CEP135: variants seen among roughly 807,000 people sequenced by gnomAD.
The protein encoded by CEP135 is centrosomal protein of 135 kDa.
A neutral mutation model predicts 157.3 loss-of-function variants in CEP135; 142 were observed. The ratio of observed to expected loss-of-function variants is 0.90; its 90% CI spans 0.79 to 1.04. CEP135 has a LOEUF of 1.04. CEP135 is among the 50% of genes least tolerant of loss of function. The pLI is 0.00. For missense variants in CEP135, 1,317 were observed against 1,309.2 expected, an observed-to-expected ratio of 1.01 and a Z score of -0.09; for synonymous variants, 396 against 439.8, an observed-to-expected ratio of 0.90 and a Z score of 1.25.
chr4:55,989,913 T>C (rs1178177431), intron 14 of CEP135, among the ~76,000 whole-genome samples: 4 of 152,184 alleles, frequency 2.6e-5, no homozygotes, highest in South Asian at 4.1e-4. Context: ...TTTCTAGATA[T>C]GTACCAGATA....
chr4:55,969,279 T>A (rs933475220), intron 9 of CEP135, 151 bp downstream of exon 9: 9 of 581,354 alleles, frequency 1.5e-5, no homozygotes, highest in Non-Finnish European at 2.8e-5. Flanking sequence ...ATACAAAAAT[T>A]AGCTGGGAGT....
rs757926762 is a variant in CEP135 at position 55,952,284 on chromosome 4, A to G, written c.113+41A>G. ...CAGTTTTCAACCTTTATGATCCCTA[A>G]CCACTTACCTCATTTCTGATTGAAC... On this transcript the variant is annotated intron_variant, in intron 2 of 25. Transcript: ENST00000257287. 2.7e-6 allele frequency: 3 copies of G among 1,112,600 alleles called. No individual in the cohort carries two copies. In the South Asian group the frequency reaches 3.8e-5, roughly 14 times the overall value. 68.9% of individuals were successfully genotyped at this position (1,112,600 alleles called of 1,614,324 possible). A position where few individuals can be genotyped will look rare whatever the true frequency, so the allele number is the denominator to read the frequency against.
At chr4:56,028,589 C>G (rs1393815533) in intron 25 of CEP135, among the ~76,000 whole-genome samples, 1 of 151,226 alleles carries the variant, frequency 6.6e-6, no homozygotes, top group Non-Finnish European at 1.5e-5. Context: ...TCCCCAAGCA[C>G]TCAGAAATGA....
intron 15 of CEP135, among the ~76,000 whole-genome samples, chr4:55,993,348 G>A (rs373242418): frequency 2.6e-5 from 4 of 152,170 alleles, no homozygotes; most frequent in African/African-American, 9.7e-5. Flanking sequence ...AGTTCATAAG[G>A]GTTCTCTGAT....
chr4:56,000,913 C>G (rs182452538), intron 17 of CEP135, among the ~76,000 whole-genome samples: 1 of 152,128 alleles, frequency 6.6e-6, no homozygotes, highest in Non-Finnish European at 1.5e-5. Flanking sequence ...TTTCCAGCAT[C>G]GGTTATTCCC....
At chr4:55,976,497 C>T (rs1729226939) in intron 11 of CEP135, among the ~76,000 whole-genome samples, 1 of 152,150 alleles carries the variant, frequency 6.6e-6, no homozygotes, top group Non-Finnish European at 1.5e-5. Context: ...GATCCATTTG[C>T]TCTGTGCTGG....
At position 55,964,180 on chromosome 4, in the gene CEP135, C is replaced by G. The variant is rs1468056593; in HGVS notation, c.700-94C>G. 8 of 1,224,304 alleles carry G rather than the reference C, an allele frequency of 6.5e-6. No individual in the cohort carries two copies. The South Asian group carries it at 8.4e-5, about 13-fold the overall frequency. The allele number at this position is 1,224,304 out of a possible 1,614,324, so 75.8% of individuals were successfully genotyped here. ...TGTTAATCTCTTGCATACATTGGTACATAAGAAAATATATCCAAATAAATG... is the reference window on the plus strand; with the variant it reads ...TGTTAATCTCTTGCATACATTGGTAGATAAGAAAATATATCCAAATAAATG... On this transcript the variant is annotated intron_variant, in intron 6 of 25. Transcript: ENST00000257287.
intron 15 of CEP135, among the ~76,000 whole-genome samples, chr4:55,996,947 A>G (rs1433904843): frequency 1.3e-5 from 2 of 152,194 alleles, no homozygotes; most frequent in East Asian, 1.9e-4. Flanking sequence ...TTGAATCTCA[A>G]AGAGATGGAC....
intron 13 of CEP135, among the ~76,000 whole-genome samples, chr4:55,984,549 C>T (rs984218337): frequency 6.6e-6 from 1 of 152,168 alleles, no homozygotes; most frequent in East Asian, 1.9e-4. Flanking sequence ...TTCTTGAGAC[C>T]TTGCTTGGTG....
At chr4:55,991,310 GT>G (rs964912719) in intron 14 of CEP135, among the ~76,000 whole-genome samples, 7 of 136,734 alleles carry the variant, frequency 5.1e-5, no homozygotes, top group African/African-American at 8.1e-5. Flanking sequence ...AATTTTTCCT[GT>G]TTTTTTCTTT....
At chr4:55,954,911 C>T (rs1577862821) in intron 4 of CEP135, among the ~76,000 whole-genome samples, 1 of 152,038 alleles carries the variant, frequency 6.6e-6, no homozygotes, top group African/African-American at 2.4e-5. Flanking sequence ...TGAAACCCCA[C>T]CTCTACCAAA....
intron 6 of CEP135, among the ~76,000 whole-genome samples, chr4:55,962,756 A>G (rs1240448506): frequency 2.1e-5 from 3 of 142,080 alleles, no homozygotes; most frequent in Non-Finnish European, 4.6e-5. Context: ...CTTTTTTTCA[A>G]CTGTCCACTC....
At chr4:55,978,190 A>T (rs183974359) in intron 11 of CEP135, among the ~76,000 whole-genome samples, 1 of 152,146 alleles carries the variant, frequency 6.6e-6, no homozygotes, top group African/African-American at 2.4e-5. Flanking sequence ...TTTACTGGGT[A>T]AACTCATGTT....
chr4:55,980,347 A>C (rs770071455), intron 12 of CEP135, 52 bp downstream of exon 12: 1 of 1,173,882 alleles, frequency 8.5e-7, no homozygotes, highest in African/African-American at 1.6e-5. Flanking sequence ...CCAGTTAACT[A>C]TAATGGAGCC....
In CEP135 at chr4:55,976,235, CAAA is replaced by C. The variant is rs749867669; in HGVS notation, c.1473+1278_1473+1280del. On this transcript the variant is annotated intron_variant, in intron 11 of 25. Transcript: ENST00000257287. ...CGTCACTGCATTCCAGCCTGGGTGA[CAAA>C]AAAAAAAAAAAGAAAGAAAGAAAGA... 9.6e-3 allele frequency among the ~76,000 whole-genome samples: 766 copies of C among 79,598 alleles called. 8 individuals carry two copies. Among genetic ancestry groups the C allele is most frequent in the African/African-American group, 0.027 (721 of 26,986 alleles). The allele number at this position is 79,598 out of a possible 152,430, so 52.2% of individuals were successfully genotyped here. A position where few individuals can be genotyped will look rare whatever the true frequency, so the allele number is the denominator to read the frequency against.
At chr4:55,949,147 C>G (rs368922558) in intron 1 of CEP135, 88 bp downstream of exon 1, 4 of 153,084 alleles carry the variant, frequency 2.6e-5, no homozygotes, top group African/African-American at 9.6e-5. Context: ...CGGGCTCGGG[C>G]ACTGCCGGGA....
chr4:56,003,907 G>T (rs1730264049), intron 17 of CEP135, among the ~76,000 whole-genome samples: 1 of 151,878 alleles, frequency 6.6e-6, no homozygotes, highest in African/African-American at 2.4e-5. Flanking sequence ...TTTTTGTAGA[G>T]ACGGTGTCTT....
At chr4:55,952,559 T>C (rs1318916167) in intron 2 of CEP135, 1 of 202,934 alleles carries the variant, frequency 4.9e-6, no homozygotes, top group African/African-American at 2.3e-5. Context: ...CCCCTTAAGT[T>C]CTATGTCTGC....
chr4:55,980,357 C>A, intron 12 of CEP135, 62 bp downstream of exon 12: 1 of 1,026,912 alleles, frequency 9.7e-7, no homozygotes, highest in Non-Finnish European at 1.4e-6. Context: ...ATAATGGAGC[C>A]TGTATATATC....
Sources: allele counts gnomAD v4.1 joint callset (sites outside exome capture counted in the v4.1 genomes callset), GRCh38; gene constraint gnomAD v4.1.1; transcripts MANE v1.5; gene names NCBI Gene and HGNC (gene_info 2026-07-23, HGNC 2026-07-21).